Variants in PABPC4L observed in about 807,000 individuals in gnomAD.
PABPC4L encodes the protein polyadenylate-binding protein 4-like.
For synonymous variants in PABPC4L, 169 were observed against 164.1 expected, an observed-to-expected ratio of 1.03 and a Z score of -0.23; for missense variants, 452 against 451.4, an observed-to-expected ratio of 1.00 and a Z score of -0.01.
the PABPC4L span, among the ~76,000 whole-genome samples, chr4:134,077,863 A>G: frequency 6.6e-6 from 1 of 152,190 alleles, no homozygotes; most frequent in Non-Finnish European, 1.5e-5. Context: ...GAATCTGATC[A>G]TGCTTCGGCA....
the PABPC4L span, among the ~76,000 whole-genome samples, chr4:134,054,229 A>T: frequency 7.7e-6 from 1 of 130,420 alleles, no homozygotes; most frequent in African/African-American, 2.8e-5. Context: ...ATTTTTTTTA[A>T]AGAGACTACT....
At chr4:133,985,132 T>C in the PABPC4L span, among the ~76,000 whole-genome samples, 2 of 151,920 alleles carry the variant, frequency 1.3e-5, no homozygotes. Context: ...CTGGTGTCAA[T>C]ATAGACCATT....
chr4:134,148,449 C>G, the PABPC4L span, among the ~76,000 whole-genome samples: 2 of 151,984 alleles, frequency 1.3e-5, no homozygotes, highest in Non-Finnish European at 1.5e-5. Context: ...TGAGTCTGGC[C>G]ACAGCTGATA....
the PABPC4L span, among the ~76,000 whole-genome samples, chr4:134,086,833 G>A: frequency 1.3e-5 from 2 of 148,562 alleles, no homozygotes; most frequent in Middle Eastern, 3.5e-3. Flanking sequence ...TTAAGATTTA[G>A]GGTACATGTG....
At chr4:134,011,218 C>A in the PABPC4L span, among the ~76,000 whole-genome samples, 1 of 151,938 alleles carries the variant, frequency 6.6e-6, no homozygotes, top group Non-Finnish European at 1.5e-5. Flanking sequence ...CCCCAAATAC[C>A]TTTACACTGA....
the PABPC4L span, among the ~76,000 whole-genome samples, chr4:134,180,721 CA>C: frequency 6.6e-6 from 1 of 151,206 alleles, no homozygotes; most frequent in East Asian, 2.0e-4. Context: ...TACAGAAACA[CA>C]AAAAAACCCT....
At chr4:133,985,841 T>A in the PABPC4L span, among the ~76,000 whole-genome samples, 1 of 152,078 alleles carries the variant, frequency 6.6e-6, no homozygotes, top group African/African-American at 2.4e-5. Context: ...TTATCATGAA[T>A]GTACCATATA....
the PABPC4L span, among the ~76,000 whole-genome samples, chr4:133,972,354 T>C: frequency 6.6e-6 from 1 of 152,192 alleles, no homozygotes; most frequent in African/African-American, 2.4e-5. Flanking sequence ...CCTACTTTTC[T>C]GACAATGAAA....
the PABPC4L span, among the ~76,000 whole-genome samples, chr4:134,026,207 A>T: frequency 6.6e-6 from 1 of 151,964 alleles, no homozygotes; most frequent in South Asian, 2.1e-4. Context: ...GAATAGCTGA[A>T]ATATTTAATG....
the PABPC4L span, among the ~76,000 whole-genome samples, chr4:134,065,238 T>A: frequency 5.9e-5 from 9 of 152,180 alleles, no homozygotes; most frequent in South Asian, 1.9e-3. Flanking sequence ...CCCTTTTCTC[T>A]ACAACCTCCC....
the PABPC4L span, among the ~76,000 whole-genome samples, chr4:134,082,703 C>T: frequency 6.6e-6 from 1 of 151,758 alleles, no homozygotes; most frequent in Non-Finnish European, 1.5e-5. Flanking sequence ...TTATATTGGG[C>T]CCATCTCTCT....
chr4:134,191,384 A>G (rs1729507488), downstream of PABPC4L, among the ~76,000 whole-genome samples: 1 of 152,150 alleles, frequency 6.6e-6, no homozygotes, highest in Non-Finnish European at 1.5e-5. Flanking sequence ...TAACAGCAGA[A>G]TGCACAGTTC....
chr4:134,029,871 G>T, the PABPC4L span, among the ~76,000 whole-genome samples: 2 of 151,854 alleles, frequency 1.3e-5, no homozygotes, highest in African/African-American at 4.8e-5. Context: ...GGGAGAGACC[G>T]GGTGAAAGGT....
the PABPC4L span, among the ~76,000 whole-genome samples, chr4:134,089,370 G>A: frequency 2.0e-5 from 3 of 152,076 alleles, no homozygotes; most frequent in South Asian, 2.1e-4. Flanking sequence ...TGCTATATGC[G>A]TTGCAATTGA....
the PABPC4L span, among the ~76,000 whole-genome samples, chr4:133,969,445 A>T: frequency 6.6e-6 from 1 of 152,164 alleles, no homozygotes; most frequent in Admixed American, 6.5e-5. Context: ...ATTTAGGCTG[A>T]ATTTCATCTC....
chr4:134,021,826 G>A, the PABPC4L span, among the ~76,000 whole-genome samples: 22,130 of 151,794 alleles, frequency 0.15, 1,947 homozygotes, highest in Non-Finnish European at 0.19. Flanking sequence ...ATTTTTTTCT[G>A]CCTTTGGCTT....
At chr4:134,072,976 A>G in the PABPC4L span, among the ~76,000 whole-genome samples, 1 of 152,148 alleles carries the variant, frequency 6.6e-6, no homozygotes, top group African/African-American at 2.4e-5. Context: ...TATGAGAACT[A>G]AAATTCAAGA....
the PABPC4L span, among the ~76,000 whole-genome samples, chr4:134,028,563 T>G: frequency 6.6e-6 from 1 of 152,186 alleles, no homozygotes; most frequent in South Asian, 2.1e-4. Flanking sequence ...AATAGGCCTT[T>G]AGTGCACTAT....
At chr4:133,954,573 A>C in the PABPC4L span, among the ~76,000 whole-genome samples, 1 of 152,056 alleles carries the variant, frequency 6.6e-6, no homozygotes, top group African/African-American at 2.4e-5. Context: ...CCAACAGACT[A>C]TACAGGTGAA....
Sources: allele counts gnomAD v4.1 joint callset (sites outside exome capture counted in the v4.1 genomes callset), GRCh38; gene constraint gnomAD v4.1.1; transcripts MANE v1.5; gene names NCBI Gene and HGNC (gene_info 2026-07-23, HGNC 2026-07-21).